RPGRIP1: variants seen among roughly 807,000 people sequenced by gnomAD.
The protein encoded by RPGRIP1 is RPGR interacting protein 1, also known as X-linked retinitis pigmentosa GTPase regulator-interacting protein 1.
A neutral mutation model predicts 157.9 loss-of-function variants in RPGRIP1; 128 were observed. The observed-to-expected ratio is 0.81, with a 90% CI of 0.70 to 0.94. RPGRIP1 has a LOEUF of 0.94. Ranked by LOEUF, RPGRIP1 falls within the 40% of genes least tolerant of loss-of-function variation. The probability of loss-of-function intolerance (pLI) is 0.00; values close to 1 mark genes in which losing one functional copy is unlikely to be tolerated. For missense variants in RPGRIP1, 1,486 were observed against 1,545.8 expected (o/e 0.96, Z 0.65); for synonymous variants, 554 against 571.6 (o/e 0.97, Z 0.44).
intron 23 of RPGRIP1, among the ~76,000 whole-genome samples, chr14:21,346,869 C>CTT (rs1885624783): frequency 6.6e-6 from 1 of 152,132 alleles, no homozygotes; most frequent in South Asian, 2.1e-4. Flanking sequence ...AGGCCCAATA[C>CTT]TTTTGTTTCA....
chr14:21,316,392 G>A (rs1425163030), intron 10 of RPGRIP1, among the ~76,000 whole-genome samples: 1 of 152,038 alleles, frequency 6.6e-6, no homozygotes, highest in African/African-American at 2.4e-5. Context: ...GATTACAGGT[G>A]GGAACCATCC....
At chr14:21,307,693 C>T (rs1344320968) in intron 6 of RPGRIP1, 38 bp from the exon 7 acceptor site, 2 of 1,263,036 alleles carry the variant, frequency 1.6e-6, no homozygotes, top group African/African-American at 3.0e-5. Flanking sequence ...TAATTCTATC[C>T]ATGTTCAGAC....
intron 10 of RPGRIP1, among the ~76,000 whole-genome samples, chr14:21,314,344 A>C (rs1881673618): frequency 6.6e-6 from 1 of 152,138 alleles, no homozygotes; most frequent in Non-Finnish European, 1.5e-5. Context: ...TTGGTCTCCC[A>C]AAGTGTTGGG....
At position 21,345,120 on chromosome 14, in the gene RPGRIP1, C is replaced by T; in HGVS notation, c.3540C>T (p.Asp1180=). Residue 1180 remains aspartate (D), a synonymous_variant, in exon 23 of 25, where the codon GAC becomes GAT. Coordinates refer to ENST00000400017, the MANE Select transcript of RPGRIP1 (RefSeq NM_020366.4). ...EIHFHFSKVI[D]LDPQEQQGRR... ...CTCTTACCCTTAATACAGTAATAGA[C>T]CTGGACCCACAGGAGCAGCAAGGCC... 14 of 1,611,124 alleles carry T rather than the reference C, an allele frequency of 8.7e-6. No individual in the cohort carries two copies. The highest frequency in any genetic ancestry group is 1.2e-5 in the Non-Finnish European group (14 of 1,177,378).
At chr14:21,341,189 C>G (rs1391668325) in intron 21 of RPGRIP1, among the ~76,000 whole-genome samples, 1 of 152,066 alleles carries the variant, frequency 6.6e-6, no homozygotes, top group Non-Finnish European at 1.5e-5. Context: ...AGCCACCATG[C>G]CTGGCTAATT....
intron 11 of RPGRIP1, among the ~76,000 whole-genome samples, chr14:21,319,462 T>C (rs752704235): frequency 2.0e-5 from 3 of 152,152 alleles, no homozygotes; most frequent in Non-Finnish European, 4.4e-5. Flanking sequence ...CTCAGGAGGC[T>C]GAGGCACAAG....
intron 21 of RPGRIP1, 50 bp downstream of exon 21, chr14:21,334,755 G>A (rs1305071325): frequency 4.0e-6 from 5 of 1,264,392 alleles, no homozygotes; most frequent in Non-Finnish European, 5.6e-6. Flanking sequence ...GATAAATAAT[G>A]ACAGTGGCCA....
At chr14:21,307,621 G>A in intron 6 of RPGRIP1, 110 bp from the exon 7 acceptor site, 2 of 690,112 alleles carry the variant, frequency 2.9e-6, no homozygotes, top group Non-Finnish European at 5.2e-6. Context: ...TGGGTAAGAC[G>A]GGAAGGCAAG....
intron 23 of RPGRIP1, among the ~76,000 whole-genome samples, chr14:21,346,651 G>T (rs1378140034): frequency 1.3e-5 from 2 of 152,200 alleles, no homozygotes; most frequent in African/African-American, 4.8e-5. Context: ...GCCTGTGCAT[G>T]TGTGTGCATA....
At chr14:21,282,465 T>G (rs1880165560) in intron 1 of RPGRIP1, among the ~76,000 whole-genome samples, 1 of 152,096 alleles carries the variant, frequency 6.6e-6, no homozygotes, top group South Asian at 2.1e-4. Flanking sequence ...CTCGATCTCC[T>G]GACCTCATGA....
intron 22 of RPGRIP1, among the ~76,000 whole-genome samples, chr14:21,343,924 A>T (rs1474229600): frequency 2.6e-5 from 2 of 76,758 alleles, no homozygotes; most frequent in African/African-American, 4.9e-5. Flanking sequence ...GAGTCTGAAC[A>T]TGTTGCTCAG....
intron 19 of RPGRIP1, 106 bp from the exon 20 acceptor site, chr14:21,330,143 A>G (rs1014297512): frequency 4.2e-6 from 3 of 707,348 alleles, no homozygotes; most frequent in Non-Finnish European, 6.3e-6. Context: ...ATAAAAATTA[A>G]AAAAATAAAA....
At chr14:21,325,671 G>C in intron 16 of RPGRIP1, 160 bp from the exon 17 acceptor site, 1 of 663,512 alleles carries the variant, frequency 1.5e-6, no homozygotes, top group Non-Finnish European at 2.6e-6. Flanking sequence ...ATAACTGCCA[G>C]AGCCAGTTTG....
intron 21 of RPGRIP1, among the ~76,000 whole-genome samples, chr14:21,335,973 A>G (rs77803436): frequency 0.044 from 6,628 of 152,274 alleles, 478 homozygotes; most frequent in African/African-American, 0.15. Context: ...TGACTGAATA[A>G]TAGATTCAGA....
intron 2 of RPGRIP1, among the ~76,000 whole-genome samples, chr14:21,292,221 T>C (rs1482290089): frequency 6.6e-6 from 1 of 152,164 alleles, no homozygotes; most frequent in African/African-American, 2.4e-5. Context: ...AATATTTTTA[T>C]AAAGGCATAT....
chr14:21,296,989 C>T (rs1251980858), intron 3 of RPGRIP1, among the ~76,000 whole-genome samples: 1 of 151,200 alleles, frequency 6.6e-6, no homozygotes, highest in Non-Finnish European at 1.5e-5. Flanking sequence ...ATTTAATAGT[C>T]TGAAGAGGTA....
intron 21 of RPGRIP1, among the ~76,000 whole-genome samples, chr14:21,335,682 T>C (rs760015706): frequency 6.6e-6 from 1 of 151,966 alleles, no homozygotes; most frequent in Non-Finnish European, 1.5e-5. Flanking sequence ...TACAAAAAAA[T>C]TAGCCGGGCG....
chr14:21,302,856 C>G, intron 5 of RPGRIP1: 1 of 124,310 alleles, frequency 8.0e-6, no homozygotes, highest in South Asian at 2.7e-4. Context: ...GTCATAATTC[C>G]TTTGTTGTGT....
intron 6 of RPGRIP1, among the ~76,000 whole-genome samples, chr14:21,304,184 C>T (rs1434979315): frequency 1.3e-5 from 2 of 148,586 alleles, no homozygotes; most frequent in African/African-American, 5.0e-5. Context: ...GTATGGTGGC[C>T]GGTGCCTGTA....
Sources: allele counts gnomAD v4.1 joint callset (sites outside exome capture counted in the v4.1 genomes callset), GRCh38; gene constraint gnomAD v4.1.1; transcripts MANE v1.5; gene names NCBI Gene and HGNC (gene_info 2026-07-23, HGNC 2026-07-21).